Variants in TBL3 observed in about 807,000 individuals in gnomAD.
The protein encoded by TBL3 is transducin beta like 3.
A neutral mutation model predicts 102.7 loss-of-function variants in TBL3; 71 were observed. That is an observed-to-expected ratio of 0.69 (90% CI 0.57 to 0.84). The LOEUF is 0.84. Among genes scored for constraint, TBL3 ranks in the 40% least tolerant of loss-of-function variants. TBL3 has a pLI of 0.00. For missense variants in TBL3, 1,188 were observed against 1,098.5 expected (o/e 1.08, Z -1.15); for synonymous variants, 578 against 477.7 (o/e 1.21, Z -2.74).
At position 1,974,531 on chromosome 16, in the gene TBL3, C is replaced by T. The variant is rs1488995526; in HGVS notation, c.238-7C>T. The T allele has an allele frequency of 1.9e-6, 3 of 1,600,938 alleles. No individual in the cohort carries two copies. The highest frequency in any genetic ancestry group is 1.1e-5 in the South Asian group (1 of 89,584). On this transcript the variant is annotated splice_region_variant and splice_polypyrimidine_tract_variant and intron_variant, in intron 4 of 21. Transcript: ENST00000568546. Reference sequence around the variant, plus strand: ...CTGCCCCTCTGCTGACCTGTACCCTCCCCCAGGTGCTGGTGACAGCCAGTC... The same window carrying T: ...CTGCCCCTCTGCTGACCTGTACCCTTCCCCAGGTGCTGGTGACAGCCAGTC...
At position 1,978,106 on chromosome 16, in the gene TBL3, CT is replaced by C. The variant is rs1246095044; in HGVS notation, c.2063-42del. On this transcript the variant is annotated intron_variant, in intron 19 of 21. Transcript: ENST00000568546. The stretch of plus-strand genomic sequence containing the variant: ...GGCGAGGGGCTGGGTCTTCGGACCA[CT>C]GGGCTCTGCTTTCCCCAGCTCAGCC... 3 of 1,610,628 alleles carry C rather than the reference CT, an allele frequency of 1.9e-6. No individual in the cohort carries two copies. The Admixed American group carries it at 5.0e-5, about 27-fold the overall frequency.
In TBL3 at chr16:1,977,425, A is replaced by G; in HGVS notation, c.1741A>G (p.Ser581Gly). 7.4e-7 allele frequency: 1 copy of G among 1,347,704 alleles called. No homozygotes were observed. Among genetic ancestry groups the G allele is most frequent in the Non-Finnish European group, 1.0e-6 (1 of 1,001,970 alleles). 83.5% of individuals were successfully genotyped at this position (1,347,704 alleles called of 1,614,324 possible). ...GAGCCGTGGCACGCAGCTGCTGTCC[A>G]GGTGAGTGGGCTGGGGTGGGGCAGC... Reference protein sequence around the residue: ...FVSRGTQLLSSGSDGLVKLWT... With the variant: ...FVSRGTQLLSGGSDGLVKLWT... The change falls in exon 16 of 22, where the codon AGC becomes GGC. Residue 581 changes from serine (S) to glycine (G), a missense_variant and splice_region_variant. Transcript: ENST00000568546.
rs1408621404 is a variant in TBL3, at chr16:1,980,971, G to T, written c.*2286G>T. On this transcript the variant is annotated 3_prime_UTR_variant, in exon 22 of 22. Coordinates refer to ENST00000568546, the MANE Select transcript of TBL3 (RefSeq NM_006453.3). ...TGCCTGAATTCGTCCCAACTCCTGC[G>T]CACGAAGGTGTCGCTGCCGTCTGAC... 1 of 1,613,110 alleles carries T rather than the reference G, an allele frequency of 6.2e-7. No individual in the cohort carries two copies. The highest frequency in any genetic ancestry group is 2.2e-5 in the East Asian group (1 of 44,884).
Position 1,977,142 on chromosome 16 carries a change from A to G in TBL3, c.1529A>G (p.Gln510Arg). 6.2e-7 allele frequency: 1 copy of G among 1,613,078 alleles called. No homozygotes were observed. Among genetic ancestry groups the G allele is most frequent in the Non-Finnish European group, 8.5e-7 (1 of 1,179,980 alleles). The change falls in exon 15 of 22, where the codon CAG (glutamine) becomes CGG (arginine). Residue 510 changes from glutamine to arginine, a missense_variant. Transcript: ENST00000568546. Reference protein sequence around the residue: ...DRTAKLWALPQCQLLGVFSGH... With the variant: ...DRTAKLWALPRCQLLGVFSGH... Reference sequence around the variant, plus strand: ...ACGGCCAAGCTCTGGGCCCTGCCACAGTGCCAGCTGCTGGGTGTCTTCTCA... The same window carrying G: ...ACGGCCAAGCTCTGGGCCCTGCCACGGTGCCAGCTGCTGGGTGTCTTCTCA...
rs1314296325 is a variant in TBL3, at chr16:1,982,043, C to T, written c.*3358C>T. ...AGAGGCTCGCCCAGGTGCCCCACCTCTCTGGCTGCTTCCTTATAGTTCGGG... is the reference window on the plus strand; with the variant it reads ...AGAGGCTCGCCCAGGTGCCCCACCTTTCTGGCTGCTTCCTTATAGTTCGGG... On this transcript the variant is annotated 3_prime_UTR_variant, in exon 22 of 22. Transcript: ENST00000568546. 6.6e-6 allele frequency: 1 copy of T among 152,200 alleles called. No homozygotes were observed. The highest frequency in any genetic ancestry group is 1.5e-5 in the Non-Finnish European group (1 of 68,036). 9.4% of individuals were successfully genotyped at this position (152,200 alleles called of 1,614,324 possible).
chr16:1,973,666 G>C (rs745499279), intron 1 of TBL3, among the ~76,000 whole-genome samples: 9 of 152,144 alleles, frequency 5.9e-5, no homozygotes, highest in Non-Finnish European at 1.3e-4. Context: ...CCAGACCTCA[G>C]GGATGAAGAC....
Position 1,979,278 on chromosome 16 carries a change from C to T in TBL3, c.*593C>T. The T allele has an allele frequency of 1.3e-6, 2 of 1,551,982 alleles. No individual in the cohort carries two copies. The highest frequency in any genetic ancestry group is 1.7e-6 in the Non-Finnish European group (2 of 1,156,678). On this transcript the variant is annotated 3_prime_UTR_variant, in exon 22 of 22. Coordinates refer to ENST00000568546, the MANE Select transcript of TBL3 (RefSeq NM_006453.3). ...GTCGTCTCCTCCACGGAACCCCGTC[C>T]CGCTCAGGAGAGCGCCCAGCCCTTC...
rs1283994254 is a variant in TBL3 at position 1,981,013 on chromosome 16, C to T, written c.*2328C>T. ...CCGTCTGACCAGCGCACAGAGAAGG[C>T]AAACGTCTGGGGGACAAAAAGTTGG... On this transcript the variant is annotated 3_prime_UTR_variant, in exon 22 of 22. Transcript: ENST00000568546. The T allele has an allele frequency of 6.2e-7, 1 of 1,613,360 alleles. No homozygotes were observed. The highest frequency in any genetic ancestry group is 1.7e-5 in the Admixed American group (1 of 60,030).
Position 1,979,487 on chromosome 16 carries a change from G to T in TBL3, c.*802G>T, listed in dbSNP as rs778501814. On this transcript the variant is annotated 3_prime_UTR_variant, in exon 22 of 22. Transcript: ENST00000568546. ...CGCGCACGCGCGCCCCCGCGGGCAC[G>T]GACAGCTCATCTGCGCGGCTGCTCT... is the stretch of plus-strand genomic sequence containing the variant. The T allele has an allele frequency of 6.2e-7, 1 of 1,612,032 alleles. No individual in the cohort carries two copies. Among genetic ancestry groups the T allele is most frequent in the Non-Finnish European group, 8.5e-7 (1 of 1,179,568 alleles).
chr16:1,975,125 G>A (rs756176436), intron 7 of TBL3, 27 bp downstream of exon 7: 18 of 1,612,930 alleles, frequency 1.1e-5, no homozygotes, highest in Admixed American at 5.0e-5. Context: ...GGTAGGAGGG[G>A]GAGGCTTGGA....
At position 1,974,995 on chromosome 16, in the gene TBL3, C is replaced by T. The variant is rs759716984; in HGVS notation, c.532C>T (p.Arg178Cys). The T allele has an allele frequency of 1.6e-5, 26 of 1,607,560 alleles. No individual in the cohort carries two copies. Among genetic ancestry groups the T allele is most frequent in the Non-Finnish European group, 2.0e-5 (24 of 1,179,978 alleles). Reference sequence around the variant, plus strand: ...CTCCTCGGCCACGGATGCCGCCATCCGCGTGTGGTCACTGCAGGACCGGTC... The same window carrying T: ...CTCCTCGGCCACGGATGCCGCCATCTGCGTGTGGTCACTGCAGGACCGGTC... ...LFSSATDAAI[R>C]VWSLQDRSCL... The change falls in exon 7 of 22, where the codon CGC (arginine) becomes TGC (cysteine). Residue 178 changes from arginine (R) to cysteine (C), a missense_variant. Physicochemically the swap from Arg to Cys is radical, Grantham distance 180. Transcript: ENST00000568546.
At position 1,975,471 on chromosome 16, in the gene TBL3, G is replaced by C; in HGVS notation, c.805+33G>C. 3 of 1,609,392 alleles carry C rather than the reference G, an allele frequency of 1.9e-6. No homozygotes were observed. In the South Asian group the frequency reaches 3.3e-5, roughly 18 times the overall value. On this transcript the variant is annotated intron_variant, in intron 9 of 21. Coordinates refer to ENST00000568546, the MANE Select transcript of TBL3 (RefSeq NM_006453.3). ...GGGCCGGGACATGGGCAGGCGGTAG[G>C]GGCTGGGGAAGGCCTGTGGACCTGA...
In TBL3 at chr16:1,980,457, G is replaced by C; in HGVS notation, c.*1772G>C. 2 of 1,601,902 alleles carry C rather than the reference G, an allele frequency of 1.2e-6. No homozygotes were observed. Among genetic ancestry groups the C allele is most frequent in the Non-Finnish European group, 1.7e-6 (2 of 1,179,838 alleles). On this transcript the variant is annotated 3_prime_UTR_variant, in exon 22 of 22. Transcript: ENST00000568546. ...GCTCCGTGCCACGCGCTCTGCAGTC[G>C]CCAGCAGCCTCCGAGAATAGGTTTC... is the stretch of plus-strand genomic sequence containing the variant.
At chr16:1,972,657 G>T (rs953722727) in intron 1 of TBL3, among the ~76,000 whole-genome samples, 3 of 152,232 alleles carry the variant, frequency 2.0e-5, no homozygotes, top group African/African-American at 7.2e-5. Flanking sequence ...GGCCCTGAGT[G>T]CTGTGCCCCG....
chr16:1,980,741 G>C lies in TBL3; in HGVS notation c.*2056G>C, dbSNP rs747970649. The C allele has an allele frequency of 6.3e-7, 1 of 1,590,260 alleles. No homozygotes were observed. The highest frequency in any genetic ancestry group is 8.6e-7 in the Non-Finnish European group (1 of 1,167,822). ...TCTCCTTGAGGGTCTTCTGAGGGCG[G>C]GAACCAGGGCATTGGTCTTCCAGAG... On this transcript the variant is annotated 3_prime_UTR_variant, in exon 22 of 22. Transcript: ENST00000568546.
rs1223114419 is a variant in TBL3 at position 1,979,324 on chromosome 16, G to C, written c.*639G>C. Reference sequence around the variant, plus strand: ...CCTTCCGGCCGCAGCAGCACCGCGGGGAGTAGGCCCGCCCGGTCGCCGTAC... The same window carrying C: ...CCTTCCGGCCGCAGCAGCACCGCGGCGAGTAGGCCCGCCCGGTCGCCGTAC... On this transcript the variant is annotated 3_prime_UTR_variant, in exon 22 of 22. Transcript: ENST00000568546. 4 of 1,574,868 alleles carry C rather than the reference G, an allele frequency of 2.5e-6. No homozygotes were observed. Among genetic ancestry groups the C allele is most frequent in the Admixed American group, 1.7e-5 (1 of 57,416 alleles).
In TBL3 at chr16:1,976,319, TG is replaced by T; in HGVS notation, c.1292+6del. On this transcript the variant is annotated splice_donor_region_variant and intron_variant, in intron 13 of 21. Transcript: ENST00000568546. ...GGGCACCGTCTGCTGCTCTAGGTAG[TG>T]AGTCGGGGCTGGGCCCAGGGGTGTC... 1 of 1,611,314 alleles carries T rather than the reference TG, an allele frequency of 6.2e-7. No individual in the cohort carries two copies.
chr16:1,975,511 CT>C lies in TBL3; in HGVS notation c.806-17del, dbSNP rs1305231489. ...TGTGGACCTGAGAGTCTCAGCAGCC[CT>C]GTCCCCACCCACACAGGCACTCTGC... On this transcript the variant is annotated splice_polypyrimidine_tract_variant and intron_variant, in intron 9 of 21. Coordinates refer to ENST00000568546, the MANE Select transcript of TBL3 (RefSeq NM_006453.3). 1 of 1,598,758 alleles carries C rather than the reference CT, an allele frequency of 6.3e-7. No homozygotes were observed. The highest frequency in any genetic ancestry group is 2.2e-5 in the East Asian group (1 of 44,688).
In TBL3 at chr16:1,977,519, C is replaced by A; in HGVS notation, c.1748C>A (p.Ser583Ter). Residue 583 changes from serine (S) to a stop codon, truncating the protein, a stop_gained, in exon 17 of 22, where the codon TCG becomes TAG. Transcript: ENST00000568546. LOFTEE classifies it high-confidence loss of function. Reference sequence around the variant, plus strand: ...TCTCCCCACCCCAAACCCAGCGGTTCGGATGGCCTCGTGAAGCTCTGGACC... The same window carrying A: ...TCTCCCCACCCCAAACCCAGCGGTTAGGATGGCCTCGTGAAGCTCTGGACC... ...SRGTQLLSSG[S>*]DGLVKLWTIK... 6.2e-7 allele frequency: 1 copy of A among 1,606,702 alleles called. No homozygotes were observed. Among genetic ancestry groups the A allele is most frequent in the South Asian group, 1.1e-5 (1 of 90,424 alleles).
Sources: allele counts gnomAD v4.1 joint callset (sites outside exome capture counted in the v4.1 genomes callset), GRCh38; gene constraint gnomAD v4.1.1; transcripts MANE v1.5; gene names NCBI Gene and HGNC (gene_info 2026-07-23, HGNC 2026-07-21).